IBTK: variants seen among roughly 807,000 people sequenced by gnomAD.
IBTK encodes BTK-binding protein.
Under a neutral mutation model 154.9 loss-of-function variants are expected in IBTK, and 83 were observed. The observed-to-expected ratio is 0.54, with a 90% CI of 0.45 to 0.64. The LOEUF (loss-of-function observed/expected upper bound fraction) is 0.64, where lower values mean the gene tolerates loss of function less well. Ranked by LOEUF, IBTK falls within the 30% of genes least tolerant of loss-of-function variation. The pLI is 0.00. For missense variants in IBTK, 1,332 were observed against 1,584.6 expected, an observed-to-expected ratio of 0.84 and a Z score of 2.71; for synonymous variants, 515 against 536.1, an observed-to-expected ratio of 0.96 and a Z score of 0.54.
chr6:82,214,730 T>C lies in IBTK; in HGVS notation c.1701A>G (p.Thr567=). The C allele has an allele frequency of 6.2e-7, 1 of 1,614,114 alleles. No individual in the cohort carries two copies. The highest frequency in any genetic ancestry group is 8.5e-7 in the Non-Finnish European group (1 of 1,180,000). Residue 567 remains threonine, a synonymous_variant, in exon 12 of 29, where the codon ACA becomes ACG. Transcript: ENST00000306270. ...GGAAGAGTCTATTGCCAACTTGAAA[T>C]GTCACATCATGAATGCTGTCCATTT... ...ADEMDSIHDV[T]FQVGNRLFPA... is the part of the protein sequence containing the mutation.
In IBTK at chr6:82,234,205, A is replaced by T; in HGVS notation, c.372T>A (p.Asp124Glu). The change falls in exon 3 of 29, where the codon GAT becomes GAA. Residue 124 changes from aspartate to glutamate, a missense_variant. By Grantham distance (45) the Asp-to-Glu change is conservative. Coordinates refer to ENST00000306270, the MANE Select transcript of IBTK (RefSeq NM_015525.4). The stretch of plus-strand genomic sequence containing the variant: ...GAGTTGGTCTATCCTTCATTACAAG[A>T]TCCAAAGCTGACAAGCCTTCTTTAT... The part of the protein sequence containing the change: ...IQDKEGLSAL[D>E]LVMKDRPTHV... 1 of 1,606,684 alleles carries T rather than the reference A, an allele frequency of 6.2e-7. No homozygotes were observed. Among genetic ancestry groups the T allele is most frequent in the Non-Finnish European group, 8.5e-7 (1 of 1,174,988 alleles).
chr6:82,220,553 A>C (rs766662483), intron 9 of IBTK, 37 bp downstream of exon 9: 4 of 1,563,634 alleles, frequency 2.6e-6, no homozygotes, highest in Non-Finnish European at 3.4e-6. Flanking sequence ...CTATCAACTG[A>C]GAGTAAGATT....
chr6:82,210,737 A>G, intron 16 of IBTK, 77 bp downstream of exon 16: 1 of 573,738 alleles, frequency 1.7e-6, no homozygotes, highest in Admixed American at 3.0e-5. Context: ...TTTCTATTAG[A>G]AATTAAGATT....
At chr6:82,196,230 A>T in intron 22 of IBTK, 68 bp downstream of exon 22, 1 of 1,252,244 alleles carries the variant, frequency 8.0e-7, no homozygotes, top group Non-Finnish European at 1.1e-6. Flanking sequence ...AAATAAGGAA[A>T]TATTAAAGAT....
At chr6:82,180,745 T>G (rs1213520931) in intron 26 of IBTK, among the ~76,000 whole-genome samples, 1 of 152,200 alleles carries the variant, frequency 6.6e-6, no homozygotes, top group East Asian at 1.9e-4. Context: ...CCTAAACATT[T>G]AATCTAAATC....
intron 2 of IBTK, among the ~76,000 whole-genome samples, chr6:82,234,648 T>C (rs1770649616): frequency 6.6e-6 from 1 of 152,058 alleles, no homozygotes; most frequent in South Asian, 2.1e-4. Context: ...CTTCCTATTC[T>C]TATGTATCAA....
intron 3 of IBTK, among the ~76,000 whole-genome samples, chr6:82,233,526 T>C (rs925663669): frequency 3.9e-5 from 6 of 152,242 alleles, no homozygotes; most frequent in African/African-American, 7.2e-5. Context: ...TAAATATGGA[T>C]TGAAATTTTA....
Position 82,218,120 on chromosome 6 carries a change from T to C in IBTK, c.1266A>G (p.Ser422=), listed in dbSNP as rs1231456678. Residue 422 remains serine, a synonymous_variant, in exon 10 of 29, where the codon TCA becomes TCG. Transcript: ENST00000306270. ...GACACTGCTTCAGAGAACTGTTGAC[T>C]GATCTCCAGCAAAACACCTAAAACA... is the stretch of plus-strand genomic sequence containing the variant. The part of the protein sequence containing the change: ...DGAGRVFCWR[S]VNSSLKQCRW... 1 of 1,571,682 alleles carries C rather than the reference T, an allele frequency of 6.4e-7. No individual in the cohort carries two copies.
intron 25 of IBTK, among the ~76,000 whole-genome samples, chr6:82,187,106 G>A (rs991339392): frequency 6.6e-6 from 1 of 151,800 alleles, no homozygotes; most frequent in Non-Finnish European, 1.5e-5. Context: ...AGTAGAGACG[G>A]GGTTTTTCCA....
chr6:82,177,392 CTTAT>C (rs941625613), intron 26 of IBTK, among the ~76,000 whole-genome samples: 5 of 151,150 alleles, frequency 3.3e-5, no homozygotes, highest in Non-Finnish European at 5.9e-5. Flanking sequence ...TATTTATTTA[CTTAT>C]TTATTTCTCT....
intron 20 of IBTK, 49 bp from the exon 21 acceptor site, chr6:82,200,302 G>A: frequency 1.6e-6 from 2 of 1,276,590 alleles, no homozygotes; most frequent in Non-Finnish European, 2.3e-6. Context: ...AGGTAACTAA[G>A]ATAAATGCAC....
chr6:82,172,863 G>A (rs1426287515), intron 27 of IBTK: 2 of 217,370 alleles, frequency 9.2e-6, no homozygotes, highest in Non-Finnish European at 1.8e-5. Context: ...ATTTTGGAAA[G>A]TACCAGGAAA....
intron 1 of IBTK, among the ~76,000 whole-genome samples, chr6:82,244,453 G>A (rs965800254): frequency 6.6e-5 from 10 of 152,184 alleles, no homozygotes; most frequent in African/African-American, 9.7e-5. Context: ...GCAGGAAGTC[G>A]CAGAAACATT....
Position 82,231,775 on chromosome 6 carries a change from G to A in IBTK, c.486C>T (p.Ser162=). 1 of 1,608,818 alleles carries A rather than the reference G, an allele frequency of 6.2e-7. No individual in the cohort carries two copies. Among genetic ancestry groups the A allele is most frequent in the Non-Finnish European group, 8.5e-7 (1 of 1,176,382 alleles). ...NFTLGHGSQN[S]KHHPELVDLF... is the part of the protein sequence containing the mutation. Reference sequence around the variant, plus strand: ...GATCCACCAACTCTGGATGATGTTTGCTATTCTGGCTTCCATGACCCAGGG... The same window carrying A: ...GATCCACCAACTCTGGATGATGTTTACTATTCTGGCTTCCATGACCCAGGG... The change falls in exon 4 of 29, where the codon AGC becomes AGT. Residue 162 remains serine, a synonymous_variant. Coordinates refer to ENST00000306270, the MANE Select transcript of IBTK (RefSeq NM_015525.4).
chr6:82,226,500 T>C (rs370943092), intron 5 of IBTK, among the ~76,000 whole-genome samples: 5 of 152,102 alleles, frequency 3.3e-5, no homozygotes, highest in Admixed American at 6.5e-5. Context: ...ATAATGAAAA[T>C]ACTGGCTCAA....
chr6:82,213,432 G>A (rs2127814597), intron 12 of IBTK, among the ~76,000 whole-genome samples: 1 of 152,210 alleles, frequency 6.6e-6, no homozygotes, highest in South Asian at 2.1e-4. Flanking sequence ...CTTAAAAAAA[G>A]AAAGAATTTC....
intron 8 of IBTK, among the ~76,000 whole-genome samples, chr6:82,222,331 G>A (rs552655613): frequency 8.1e-4 from 124 of 152,228 alleles, no homozygotes; most frequent in Middle Eastern, 6.8e-3. Context: ...TTAAAAGTTA[G>A]ATAGCTATTC....
chr6:82,247,097 A>G (rs1771180743), intron 1 of IBTK, among the ~76,000 whole-genome samples: 1 of 152,188 alleles, frequency 6.6e-6, no homozygotes, highest in Non-Finnish European at 1.5e-5. Flanking sequence ...TCCTTTTTAC[A>G]TAGCAATCAA....
intron 6 of IBTK, 142 bp downstream of exon 6, chr6:82,225,335 T>C (rs533040865): frequency 2.9e-6 from 1 of 343,742 alleles, no homozygotes; most frequent in Admixed American, 4.9e-5. Flanking sequence ...TAATAATAAA[T>C]AATAAAGACA....
Sources: gnomAD v4.1 joint callset for allele counts (sites outside exome capture counted in the v4.1 genomes callset) on GRCh38, gnomAD v4.1.1 for gene constraint, MANE v1.5 for transcripts, NCBI Gene and HGNC (gene_info 2026-07-23, HGNC 2026-07-21) for gene names.